Variants in SETBP1 observed in about 807,000 individuals in gnomAD.
The protein encoded by SETBP1 is SET-binding protein.
Under a neutral mutation model 101.0 loss-of-function variants are expected in SETBP1, and 9 were observed. The observed-to-expected ratio is 0.09, with a 90% CI of 0.05 to 0.16. The LOEUF is 0.16. Ranked by LOEUF, SETBP1 falls within the 10% of genes least tolerant of loss-of-function variation. The pLI is 1.00. For missense variants in SETBP1, 1,858 were observed against 2,033.8 expected, an observed-to-expected ratio of 0.91 and a Z score of 1.66; for synonymous variants, 818 against 788.5, an observed-to-expected ratio of 1.04 and a Z score of -0.63.
At chr18:44,787,018 G>A (rs942220109) in intron 2 of SETBP1, among the ~76,000 whole-genome samples, 1 of 152,246 alleles carries the variant, frequency 6.6e-6, no homozygotes, top group Admixed American at 6.5e-5. Context: ...AACATTTTGA[G>A]CAGTTACCTG....
chr18:44,963,442 A>G (rs1036360164), intron 4 of SETBP1, among the ~76,000 whole-genome samples: 10 of 152,208 alleles, frequency 6.6e-5, no homozygotes, highest in African/African-American at 2.4e-4. Context: ...TGTCCTGAAA[A>G]TCACAAGGAA....
intron 4 of SETBP1, among the ~76,000 whole-genome samples, chr18:45,038,258 C>G (rs1021830159): frequency 1.3e-5 from 2 of 152,242 alleles, no homozygotes; most frequent in Non-Finnish European, 2.9e-5. Flanking sequence ...GACCCCACCA[C>G]TTCCAGGCAG....
At chr18:44,948,816 C>T (rs980441842) in intron 3 of SETBP1, among the ~76,000 whole-genome samples, 3 of 152,158 alleles carry the variant, frequency 2.0e-5, no homozygotes, top group African/African-American at 7.2e-5. Flanking sequence ...TATCCATTCT[C>T]ATTGTGGTTT....
At chr18:44,909,539 C>T (rs930296284) in intron 3 of SETBP1, among the ~76,000 whole-genome samples, 1 of 152,196 alleles carries the variant, frequency 6.6e-6, no homozygotes, top group Non-Finnish European at 1.5e-5. Context: ...CTGCTAGGCT[C>T]AGAGTAGTCT....
At chr18:44,737,597 C>G (rs1325856830) in intron 2 of SETBP1, among the ~76,000 whole-genome samples, 1 of 152,204 alleles carries the variant, frequency 6.6e-6, no homozygotes, top group Non-Finnish European at 1.5e-5. Context: ...CTGGTTTGCC[C>G]TGAGTGTGTA....
intron 2 of SETBP1, among the ~76,000 whole-genome samples, chr18:44,798,704 TG>T (rs2071534421): frequency 6.6e-6 from 1 of 152,174 alleles, no homozygotes; most frequent in African/African-American, 2.4e-5. Flanking sequence ...TTTTAATTTG[TG>T]GGGAGCTGGA....
intron 1 of SETBP1, among the ~76,000 whole-genome samples, chr18:44,700,377 C>G (rs2069095666): frequency 6.6e-6 from 1 of 152,114 alleles, no homozygotes; most frequent in South Asian, 2.1e-4. Flanking sequence ...AGACACAATA[C>G]TACTTCATTT....
intron 2 of SETBP1, among the ~76,000 whole-genome samples, chr18:44,777,676 A>G (rs747096563): frequency 5.9e-5 from 9 of 152,196 alleles, no homozygotes; most frequent in Non-Finnish European, 1.0e-4. Flanking sequence ...CAAGGAGGAA[A>G]GCAGGGATGC....
At chr18:44,727,446 C>T (rs1431950484) in intron 2 of SETBP1, among the ~76,000 whole-genome samples, 2 of 152,172 alleles carry the variant, frequency 1.3e-5, no homozygotes, top group Non-Finnish European at 2.9e-5. Flanking sequence ...GCTGCTTTCA[C>T]GGCAGCCTTT....
At chr18:44,684,261 C>A (rs538614638) in intron 1 of SETBP1, among the ~76,000 whole-genome samples, 5 of 152,174 alleles carry the variant, frequency 3.3e-5, no homozygotes, top group Non-Finnish European at 7.3e-5. Flanking sequence ...AGGTGTTTTA[C>A]AAACTCTTCA....
rs769993210 is a variant in SETBP1 at position 44,950,044 on chromosome 18, G to T, written c.704G>T (p.Cys235Phe). 6.2e-7 allele frequency: 1 copy of T among 1,614,210 alleles called. No individual in the cohort carries two copies. The highest frequency in any genetic ancestry group is 8.5e-7 in the Non-Finnish European group (1 of 1,180,030). ...NSDSGPVTQN[C>F]FISPESGRET... is the part of the protein sequence containing the mutation. ...GACAGCGGACCCGTCACTCAGAATT[G>T]CTTCATCAGTCCAGAGTCTGGCAGA... Residue 235 changes from cysteine to phenylalanine, a missense_variant, in exon 4 of 6, where the codon TGC becomes TTC. Physicochemically the swap from Cys to Phe is radical, Grantham distance 205. Coordinates refer to ENST00000649279, the MANE Select transcript of SETBP1 (RefSeq NM_015559.3).
chr18:44,719,886 C>T (rs1401545907), intron 2 of SETBP1, among the ~76,000 whole-genome samples: 1 of 152,184 alleles, frequency 6.6e-6, no homozygotes, highest in Admixed American at 6.5e-5. Context: ...GGTCAAAGCA[C>T]ACAGCCTGCT....
intron 2 of SETBP1, among the ~76,000 whole-genome samples, chr18:44,735,087 C>T (rs1422948183): frequency 6.6e-6 from 1 of 152,148 alleles, no homozygotes; most frequent in Non-Finnish European, 1.5e-5. Context: ...GTTGGAAAGC[C>T]ACACCTCAAT....
chr18:44,884,414 A>T (rs1397338007), intron 3 of SETBP1, among the ~76,000 whole-genome samples: 1 of 152,228 alleles, frequency 6.6e-6, no homozygotes, highest in East Asian at 1.9e-4. Context: ...AGTGTATCCC[A>T]TATGTCCTCT....
intron 4 of SETBP1, among the ~76,000 whole-genome samples, chr18:44,970,519 A>G (rs1264520700): frequency 6.6e-6 from 1 of 152,212 alleles, no homozygotes; most frequent in Non-Finnish European, 1.5e-5. Flanking sequence ...GGTTTTCAAT[A>G]GAATACATCA....
intron 2 of SETBP1, among the ~76,000 whole-genome samples, chr18:44,722,592 C>T (rs2069623887): frequency 6.6e-6 from 1 of 152,220 alleles, no homozygotes; most frequent in African/African-American, 2.4e-5. Context: ...TCGGGTGCTG[C>T]AGCTGTCTAA....
intron 2 of SETBP1, among the ~76,000 whole-genome samples, chr18:44,777,039 G>T (rs1415394141): frequency 6.6e-6 from 1 of 152,228 alleles, no homozygotes; most frequent in African/African-American, 2.4e-5. Context: ...AGGTAGGCCA[G>T]GTGTGGTGGC....
intron 3 of SETBP1, chr18:44,871,235 G>T (rs974758981): frequency 2.0e-5 from 3 of 152,116 alleles, no homozygotes; most frequent in Non-Finnish European, 4.4e-5. Context: ...ATGTGTCTCG[G>T]GTCAACAGCA....
chr18:44,841,949 G>T (rs1237156045), intron 2 of SETBP1, among the ~76,000 whole-genome samples: 1 of 152,218 alleles, frequency 6.6e-6, no homozygotes, highest in African/African-American at 2.4e-5. Flanking sequence ...TTGTACTTAT[G>T]ACAGCTTGGG....
Sources: gnomAD v4.1 joint callset for allele counts (sites outside exome capture counted in the v4.1 genomes callset) on GRCh38, gnomAD v4.1.1 for gene constraint, MANE v1.5 for transcripts, NCBI Gene and HGNC (gene_info 2026-07-23, HGNC 2026-07-21) for gene names.